The following ABCC1 variants were observed in gnomAD, a reference collection of about 807,000 sequenced individuals.
The protein encoded by ABCC1 is multidrug resistance-associated protein 1.
In ABCC1, 83 loss-of-function variants were observed where a neutral mutation model predicts 172.9. The observed-to-expected ratio is 0.48, with a 90% CI of 0.40 to 0.58. ABCC1 has a LOEUF of 0.58. ABCC1 is among the 20% of genes least tolerant of loss of function. The pLI, the probability that ABCC1 is intolerant of heterozygous loss-of-function variation, is 0.00. For synonymous variants in ABCC1, 937 were observed against 825.2 expected (o/e 1.14, Z -2.32); for missense variants, 1,817 against 2,002.7 (o/e 0.91, Z 1.77).
Position 16,056,260 on chromosome 16 carries a change from G to A in ABCC1, c.1642G>A (p.Val548Met), listed in dbSNP as rs776222198. 7 of 1,614,120 alleles carry A rather than the reference G, an allele frequency of 4.3e-6. No homozygotes were observed. The highest frequency in any genetic ancestry group is 2.2e-5 in the South Asian group (2 of 91,092). ...VLKKSAYLSAVGTFTWVCTPF... is the reference protein window; with the variant it reads ...VLKKSAYLSAMGTFTWVCTPF... ...GAAGAAGTCTGCCTACCTGTCAGCC[G>A]TGGGCACCTTCACCTGGGTCTGCAC... Residue 548 changes from valine to methionine, a missense_variant, in exon 12 of 31, where the codon GTG (valine) becomes ATG (methionine). Physicochemically the swap from Val to Met is conservative, Grantham distance 21 (BLOSUM62 1). Around this residue, in one of 3 missense-constraint regions of ABCC1, gnomAD observed 1,412 missense variants for 1,600.3 expected, o/e 0.88. Transcript: ENST00000399410.
intron 7 of ABCC1, 31 bp downstream of exon 7, chr16:16,036,634 G>A (rs45609533): frequency 1.9e-6 from 3 of 1,608,376 alleles, no homozygotes; most frequent in Non-Finnish European, 8.5e-7. Context: ...CCTCCAGGAT[G>A]CCCTGGTCAC....
chr16:16,088,912 T>C (rs1416693671), intron 18 of ABCC1, among the ~76,000 whole-genome samples: 1 of 152,112 alleles, frequency 6.6e-6, no homozygotes, highest in Non-Finnish European at 1.5e-5. Flanking sequence ...TCTCACTATG[T>C]TTCCCAGGCT....
intron 9 of ABCC1, 116 bp from the exon 10 acceptor site, chr16:16,048,026 A>C (rs2049286319): frequency 7.7e-7 from 1 of 1,305,554 alleles, no homozygotes; most frequent in African/African-American, 1.5e-5. Flanking sequence ...GGGGAGGAGG[A>C]GAGATCTGCG....
intron 1 of ABCC1, among the ~76,000 whole-genome samples, chr16:16,000,143 G>A (rs958248813): frequency 6.6e-6 from 1 of 151,822 alleles, no homozygotes; most frequent in East Asian, 2.0e-4. Context: ...GTGAGCCACC[G>A]CTCCTGGCCT....
Position 16,013,454 on chromosome 16 carries a change from A to G in ABCC1, c.352-1037A>G, listed in dbSNP as rs550616326. Among the ~76,000 whole-genome samples the G allele has an allele frequency of 1.2e-4, 19 of 152,054 alleles. No homozygotes were observed. In the South Asian group the frequency reaches 1.5e-3, roughly 12 times the overall value. On this transcript the variant is annotated intron_variant, in intron 3 of 30. Coordinates refer to ENST00000399410, the MANE Select transcript of ABCC1 (RefSeq NM_004996.4). ...CCTGGCTAATTTTTGTATTTTTAGT[A>G]GAGATAGGGTTTCACCATGTTGGCC...
At chr16:15,967,756 T>G (rs1305164168) in intron 1 of ABCC1, among the ~76,000 whole-genome samples, 1 of 35,960 alleles carries the variant, frequency 2.8e-5, no homozygotes, top group Admixed American at 2.9e-4. Flanking sequence ...TGGCACTGTC[T>G]CCAAAAAAAA....
intron 1 of ABCC1, among the ~76,000 whole-genome samples, chr16:15,962,879 C>T (rs1337868322): frequency 1.3e-5 from 2 of 152,144 alleles, no homozygotes; most frequent in Admixed American, 6.5e-5. Context: ...TCTCATCTTT[C>T]TCATATTTCA....
intron 23 of ABCC1, among the ~76,000 whole-genome samples, chr16:16,118,810 T>G (rs57362106): frequency 0.1 from 15,526 of 150,732 alleles, 1,213 homozygotes; most frequent in East Asian, 0.22. Context: ...TATAGAATAG[T>G]TAATTTTTTA....
chr16:16,130,234 C>T (rs193169070), intron 26 of ABCC1, among the ~76,000 whole-genome samples: 47 of 152,318 alleles, frequency 3.1e-4, no homozygotes, highest in Admixed American at 2.9e-3. Flanking sequence ...TTTATCCTTG[C>T]CTTCCTGCCG....
chr16:15,975,088 C>T (rs895951454), intron 1 of ABCC1, among the ~76,000 whole-genome samples: 1 of 152,196 alleles, frequency 6.6e-6, no homozygotes, highest in Non-Finnish European at 1.5e-5. Flanking sequence ...CATGCCCAGC[C>T]TCCCCCTCAC....
chr16:15,954,921 T>A (rs960441634), intron 1 of ABCC1, among the ~76,000 whole-genome samples: 1 of 152,212 alleles, frequency 6.6e-6, no homozygotes, highest in African/African-American at 2.4e-5. Flanking sequence ...AGTCTCCAGC[T>A]TTGACTTCTC....
chr16:16,123,923 A>G (rs1358135013), intron 24 of ABCC1, among the ~76,000 whole-genome samples: 1 of 152,202 alleles, frequency 6.6e-6, no homozygotes, highest in East Asian at 1.9e-4. Flanking sequence ...AGGCTGAGGC[A>G]GGAGGATCAC....
intron 1 of ABCC1, among the ~76,000 whole-genome samples, chr16:15,973,665 C>G (rs536865899): frequency 1.7e-4 from 26 of 151,984 alleles, no homozygotes; most frequent in Non-Finnish European, 3.7e-4. Context: ...CTCCAGCAAT[C>G]GTGTGATGCA....
At chr16:15,956,060 C>T (rs1292479282) in intron 1 of ABCC1, among the ~76,000 whole-genome samples, 1 of 152,068 alleles carries the variant, frequency 6.6e-6, no homozygotes, top group Non-Finnish European at 1.5e-5. Context: ...CTAGTCTGGC[C>T]AACATGGTGA....
chr16:16,105,524 G>A (rs985601539), intron 20 of ABCC1: 1 of 152,210 alleles, frequency 6.6e-6, no homozygotes, highest in African/African-American at 2.4e-5. Flanking sequence ...AGGTTTATTC[G>A]GCCTTCAGGA....
intron 14 of ABCC1, among the ~76,000 whole-genome samples, chr16:16,073,473 G>A (rs970243031): frequency 2.6e-5 from 4 of 152,188 alleles, no homozygotes; most frequent in Admixed American, 6.5e-5. Context: ...ATGAAAAAGT[G>A]AGGCACAGGC....
chr16:15,985,552 C>G (rs1026687709), intron 1 of ABCC1, among the ~76,000 whole-genome samples: 11 of 152,086 alleles, frequency 7.2e-5, no homozygotes, highest in Admixed American at 1.3e-4. Context: ...TCAAGTGATT[C>G]TCCTGCCCCA....
intron 19 of ABCC1, chr16:16,098,129 C>G (rs1359147554): frequency 6.6e-6 from 1 of 152,616 alleles, no homozygotes; most frequent in East Asian, 1.9e-4. Context: ...GCATCTGGCT[C>G]TGTGTGGGGC....
intron 1 of ABCC1, among the ~76,000 whole-genome samples, chr16:15,955,975 C>G (rs906188892): frequency 6.6e-6 from 1 of 152,056 alleles, no homozygotes; most frequent in Non-Finnish European, 1.5e-5. Flanking sequence ...GGATGCAGCG[C>G]GGTGGCTTAC....
Sources: allele counts gnomAD v4.1 joint callset (sites outside exome capture counted in the v4.1 genomes callset), GRCh38; gene constraint gnomAD v4.1.1; regional missense constraint gnomAD v4.1.1; transcripts MANE v1.5; gene names NCBI Gene and HGNC (gene_info 2026-07-23, HGNC 2026-07-21).